The following MBD5 variants were observed in gnomAD, a reference collection of about 807,000 sequenced individuals.
The protein encoded by MBD5 is methyl-CpG binding domain protein 5.
A neutral mutation model predicts 117.3 loss-of-function variants in MBD5; 13 were observed. The observed-to-expected ratio is 0.11, with a 90% confidence interval of 0.07 to 0.18. The LOEUF (loss-of-function observed/expected upper bound fraction) is 0.18, where lower values mean the gene tolerates loss of function less well. MBD5 is among the 10% of genes least tolerant of loss of function. The pLI, the probability that MBD5 is intolerant of heterozygous loss-of-function variation, is 1.00. For missense variants in MBD5, 1,879 were observed against 2,093.8 expected (o/e 0.90, Z 2.00); for synonymous variants, 727 against 766.4 (o/e 0.95, Z 0.85).
chr2:148,374,174 G>T (rs1282550995), intron 4 of MBD5, among the ~76,000 whole-genome samples: 5 of 151,394 alleles, frequency 3.3e-5, no homozygotes, highest in Admixed American at 6.6e-5. Context: ...AACCCAGAAT[G>T]TTGCTTAGCT....
At chr2:148,504,513 T>G (rs1681970973) in intron 12 of MBD5, among the ~76,000 whole-genome samples, 1 of 152,226 alleles carries the variant, frequency 6.6e-6, no homozygotes, top group Non-Finnish European at 1.5e-5. Flanking sequence ...ATTCCCAATT[T>G]AAGAAGACAA....
intron 2 of MBD5, among the ~76,000 whole-genome samples, chr2:148,207,865 C>T (rs1268572281): frequency 6.6e-6 from 1 of 152,150 alleles, no homozygotes; most frequent in Admixed American, 6.5e-5. Flanking sequence ...ACCAAAATAA[C>T]TTTCAGTTAA....
chr2:148,318,473 A>G (rs1449606890), intron 3 of MBD5, among the ~76,000 whole-genome samples: 1 of 151,006 alleles, frequency 6.6e-6, no homozygotes, highest in Admixed American at 6.6e-5. Flanking sequence ...ATTTAGTCCT[A>G]TTTGTCTATT....
At chr2:148,294,566 G>A (rs1470437865) in intron 3 of MBD5, among the ~76,000 whole-genome samples, 2 of 135,598 alleles carry the variant, frequency 1.5e-5, no homozygotes, top group Admixed American at 8.4e-5. Flanking sequence ...GCAGCCGTGC[G>A]ATCTCAGCTC....
At chr2:148,269,773 C>T (rs1341056943) in intron 3 of MBD5, among the ~76,000 whole-genome samples, 5 of 148,418 alleles carry the variant, frequency 3.4e-5, no homozygotes, top group African/African-American at 7.4e-5. Context: ...ATTATATCTA[C>T]TGTTATTTTT....
intron 3 of MBD5, among the ~76,000 whole-genome samples, chr2:148,327,777 T>G (rs1226832191): frequency 6.6e-6 from 1 of 152,180 alleles, no homozygotes; most frequent in African/African-American, 2.4e-5. Context: ...CTCCTTTGCC[T>G]TTGGTTTGAA....
intron 4 of MBD5, among the ~76,000 whole-genome samples, chr2:148,366,860 A>C (rs986777515): frequency 6.6e-6 from 1 of 152,212 alleles, no homozygotes; most frequent in Admixed American, 6.5e-5. Context: ...TTCCATGCTC[A>C]TGGATAGGAA....
At chr2:148,493,557 G>A (rs1681595268) in intron 11 of MBD5, among the ~76,000 whole-genome samples, 1 of 152,264 alleles carries the variant, frequency 6.6e-6, no homozygotes, top group East Asian at 1.9e-4. Flanking sequence ...TTGCGTGAAT[G>A]GTCTCTGGTC....
chr2:148,143,479 A>G (rs542796738), intron 1 of MBD5, among the ~76,000 whole-genome samples: 2 of 151,944 alleles, frequency 1.3e-5, no homozygotes, highest in South Asian at 2.1e-4. Flanking sequence ...AATGAAATCA[A>G]TTTTTTTTAA....
At chr2:148,121,105 G>A (rs919488559) in intron 1 of MBD5, among the ~76,000 whole-genome samples, 5 of 152,240 alleles carry the variant, frequency 3.3e-5, no homozygotes, top group Admixed American at 6.5e-5. Context: ...TAGTGCATCC[G>A]TTTTCTAGCT....
chr2:148,464,028 G>A, intron 7 of MBD5, 109 bp downstream of exon 7: 1 of 1,099,666 alleles, frequency 9.1e-7, no homozygotes, highest in Non-Finnish European at 1.3e-6. Flanking sequence ...CACGCACAAT[G>A]CTTTTAAAAT....
chr2:148,432,515 C>T (rs1205999253), intron 4 of MBD5, among the ~76,000 whole-genome samples: 1 of 152,072 alleles, frequency 6.6e-6, no homozygotes, highest in Non-Finnish European at 1.5e-5. Context: ...TACATTAAGT[C>T]TTTCATCCAT....
chr2:148,397,644 ATTTAT>A (rs1264238816), intron 4 of MBD5, among the ~76,000 whole-genome samples: 3 of 151,356 alleles, frequency 2.0e-5, no homozygotes, highest in Admixed American at 6.6e-5. Context: ...CTTATATTTT[ATTTAT>A]TTTATTTTAT....
intron 4 of MBD5, among the ~76,000 whole-genome samples, chr2:148,406,122 A>C (rs1243184098): frequency 6.6e-6 from 1 of 152,150 alleles, no homozygotes; most frequent in African/African-American, 2.4e-5. Context: ...TTGAGCCATG[A>C]GGCAGAGGTT....
intron 4 of MBD5, among the ~76,000 whole-genome samples, chr2:148,429,070 G>A (rs966794173): frequency 6.6e-6 from 1 of 152,090 alleles, no homozygotes; most frequent in African/African-American, 2.4e-5. Context: ...CCTACAGCAT[G>A]GGAGAAAATT....
At chr2:148,137,428 T>G (rs1416549410) in intron 1 of MBD5, among the ~76,000 whole-genome samples, 1 of 152,206 alleles carries the variant, frequency 6.6e-6, no homozygotes, top group Non-Finnish European at 1.5e-5. Context: ...TCTTCCCTTC[T>G]TCTGGAGCAT....
At chr2:148,319,237 T>A (rs1026649624) in intron 3 of MBD5, among the ~76,000 whole-genome samples, 4 of 152,116 alleles carry the variant, frequency 2.6e-5, no homozygotes, top group African/African-American at 9.7e-5. Context: ...CTATTTGGGG[T>A]CTTATTTTTT....
chr2:148,124,255 G>C (rs1214882147), intron 1 of MBD5, among the ~76,000 whole-genome samples: 1 of 152,066 alleles, frequency 6.6e-6, no homozygotes, highest in Non-Finnish European at 1.5e-5. Context: ...CTCCAGCCTG[G>C]GTGACAGGGC....
At chr2:148,062,190 G>T (rs1695054644) in intron 1 of MBD5, 1 of 150,666 alleles carries the variant, frequency 6.6e-6, no homozygotes, top group Non-Finnish European at 1.5e-5. Flanking sequence ...TAACCATATG[G>T]ATATACATAC....
Sources: gnomAD v4.1 joint callset for allele counts (sites outside exome capture counted in the v4.1 genomes callset) on GRCh38, gnomAD v4.1.1 for gene constraint, MANE v1.5 for transcripts, NCBI Gene and HGNC (gene_info 2026-07-23, HGNC 2026-07-21) for gene names.